Variants in RARS2 observed in about 807,000 individuals in gnomAD.
The protein encoded by RARS2 is probable arginine--tRNA ligase, mitochondrial.
In RARS2, 67 loss-of-function variants were observed where a neutral mutation model predicts 88.5. That is an observed-to-expected ratio of 0.76 (90% CI 0.62 to 0.93). The LOEUF is 0.93. RARS2 is among the 40% of genes least tolerant of loss of function. The pLI is 0.00. For missense variants in RARS2, 664 were observed against 684.2 expected, an observed-to-expected ratio of 0.97 and a Z score of 0.33; for synonymous variants, 239 against 230.3, an observed-to-expected ratio of 1.04 and a Z score of -0.34.
At chr6:87,585,688 C>T (rs1481074939) in intron 1 of RARS2, among the ~76,000 whole-genome samples, 1 of 151,992 alleles carries the variant, frequency 6.6e-6, no homozygotes, top group Non-Finnish European at 1.5e-5. Context: ...GCAGAGATCA[C>T]GCCATTGCAC....
chr6:87,531,562 G>C (rs1326522856), intron 8 of RARS2, among the ~76,000 whole-genome samples: 2 of 152,170 alleles, frequency 1.3e-5, no homozygotes, highest in Non-Finnish European at 2.9e-5. Context: ...TGGATAGTTA[G>C]TATAATTATA....
Position 87,516,877 on chromosome 6 carries a change from G to A in RARS2, c.1515C>T (p.Phe505=), listed in dbSNP as rs530229446. The A allele has an allele frequency of 8.7e-6, 14 of 1,613,528 alleles. 1 individual carries two copies. Among genetic ancestry groups the A allele is most frequent in the East Asian group, 6.7e-5 (3 of 44,858 alleles). ...SVSILQHLLR[F]DEVLYKSSQD... The stretch of plus-strand genomic sequence containing the variant: ...GAGATGATTTATAAAGCACCTCGTC[G>A]AACCTAAAAGATGACAGGAACAGTG... Residue 505 remains phenylalanine (F), a synonymous_variant, in exon 18 of 20, where the codon TTC becomes TTT. Transcript: ENST00000369536.
chr6:87,588,191 G>C (rs1002708392), intron 1 of RARS2, among the ~76,000 whole-genome samples: 1 of 152,088 alleles, frequency 6.6e-6, no homozygotes, highest in Non-Finnish European at 1.5e-5. Flanking sequence ...CTTACACACA[G>C]CTTAGATACT....
In RARS2 at chr6:87,541,995, C is replaced by T; in HGVS notation, c.536-1G>A. 1 of 1,610,626 alleles carries T rather than the reference C, an allele frequency of 6.2e-7. No individual in the cohort carries two copies. Among genetic ancestry groups the T allele is most frequent in the Non-Finnish European group, 8.5e-7 (1 of 1,177,186 alleles). On this transcript the variant is annotated splice_acceptor_variant, in intron 7 of 19. Coordinates refer to ENST00000369536, the MANE Select transcript of RARS2 (RefSeq NM_020320.5). LOFTEE classifies it high-confidence loss of function. The stretch of plus-strand genomic sequence containing the variant: ...AGCTGGAAGCCAGTTCCCAGAAGAC[C>T]TACCATGATAATCCGTAAATGAAAA...
chr6:87,535,676 G>T (rs55739917), intron 8 of RARS2, among the ~76,000 whole-genome samples: 4,454 of 111,282 alleles, frequency 0.04, 108 homozygotes, highest in Middle Eastern at 0.065. Context: ...TAACTGTTTT[G>T]TTTTTTTTTT....
In RARS2 at chr6:87,516,755, G is replaced by A. The variant is rs368522730; in HGVS notation, c.1586+51C>T. On this transcript the variant is annotated intron_variant, in intron 18 of 19. Coordinates refer to ENST00000369536, the MANE Select transcript of RARS2 (RefSeq NM_020320.5). Reference sequence around the variant, plus strand: ...GTTTACAGGAAACCTTTAGATGAAAGAAAGGTCTCAAATGCCATTAACACC... The same window carrying A: ...GTTTACAGGAAACCTTTAGATGAAAAAAAGGTCTCAAATGCCATTAACACC... 266 of 1,604,330 alleles carry A rather than the reference G, an allele frequency of 1.7e-4. 2 individuals are homozygous for A. In the East Asian group the frequency reaches 5.4e-3, roughly 33 times the overall value.
intron 6 of RARS2, among the ~76,000 whole-genome samples, chr6:87,547,240 G>A (rs1298647456): frequency 1.3e-5 from 2 of 152,072 alleles, no homozygotes; most frequent in African/African-American, 4.8e-5. Context: ...CTATACTTTT[G>A]ACTTACTCAT....
At chr6:87,526,426 A>T (rs978492239) in intron 10 of RARS2, among the ~76,000 whole-genome samples, 2 of 151,954 alleles carry the variant, frequency 1.3e-5, no homozygotes, top group Non-Finnish European at 2.9e-5. Flanking sequence ...CTAAGGCAGG[A>T]GAATAGGTTG....
At chr6:87,541,148 A>G (rs1780817894) in intron 8 of RARS2, among the ~76,000 whole-genome samples, 1 of 152,186 alleles carries the variant, frequency 6.6e-6, no homozygotes, top group African/African-American at 2.4e-5. Flanking sequence ...TTAGATTAGG[A>G]AATAAAAATA....
intron 4 of RARS2, among the ~76,000 whole-genome samples, chr6:87,561,803 C>T (rs2128166670): frequency 6.6e-6 from 1 of 152,258 alleles, no homozygotes; most frequent in South Asian, 2.1e-4. Flanking sequence ...GAAGAATTCC[C>T]ATGTGAGAAA....
At chr6:87,541,521 C>G (rs1002870867) in intron 8 of RARS2, among the ~76,000 whole-genome samples, 1 of 150,170 alleles carries the variant, frequency 6.7e-6, no homozygotes, top group African/African-American at 2.4e-5. Context: ...TTTTAAAGAA[C>G]ATATTTTTTA....
rs115698595 is a variant in RARS2 at position 87,583,157 on chromosome 6, T to A, written c.36+6765A>T. 5.2e-3 allele frequency among the ~76,000 whole-genome samples: 798 copies of A among 152,338 alleles called. 7 individuals are homozygous for A. The highest frequency in any genetic ancestry group is 0.018 in the African/African-American group (741 of 41,564). ...TCTCAAATGACACAGGAAAAAGTTA[T>A]ACAGAACGATGAAGGAAATGTGGCA... On this transcript the variant is annotated intron_variant, in intron 1 of 19. Coordinates refer to ENST00000369536, the MANE Select transcript of RARS2 (RefSeq NM_020320.5).
chr6:87,573,701 A>C (rs76013245), intron 1 of RARS2, among the ~76,000 whole-genome samples: 10,740 of 151,894 alleles, frequency 0.071, 410 homozygotes, highest in East Asian at 0.095. Context: ...AAAAACACAC[A>C]AAAAAAAACC....
At chr6:87,533,972 A>T (rs1778366365) in intron 8 of RARS2, among the ~76,000 whole-genome samples, 4 of 152,224 alleles carry the variant, frequency 2.6e-5, no homozygotes, top group Admixed American at 2.6e-4. Context: ...AGCAAAACTT[A>T]GAAACCACAG....
At chr6:87,553,244 T>C (rs1784875257) in intron 5 of RARS2, among the ~76,000 whole-genome samples, 3 of 150,470 alleles carry the variant, frequency 2.0e-5, no homozygotes, top group African/African-American at 2.5e-5. Context: ...GCTAGAGAAG[T>C]AAAGAGCCAT....
chr6:87,532,582 A>C (rs1180796361), intron 8 of RARS2, among the ~76,000 whole-genome samples: 1 of 152,224 alleles, frequency 6.6e-6, no homozygotes, highest in Non-Finnish European at 1.5e-5. Flanking sequence ...GTGTGACTCC[A>C]CTGGGAAAAT....
At chr6:87,516,499 CCT>C (rs1411964938) in intron 18 of RARS2, among the ~76,000 whole-genome samples, 1 of 152,148 alleles carries the variant, frequency 6.6e-6, no homozygotes, top group Non-Finnish European at 1.5e-5. Context: ...TCTGAGAAGC[CCT>C]CTCTGATCGC....
intron 1 of RARS2, among the ~76,000 whole-genome samples, chr6:87,571,954 T>C (rs779753923): frequency 1.3e-5 from 2 of 152,178 alleles, no homozygotes; most frequent in African/African-American, 4.8e-5. Context: ...TACTAAAAAG[T>C]CATTTCTTTA....
intron 17 of RARS2, 39 bp downstream of exon 17, chr6:87,518,130 A>T (rs765284146): frequency 6.8e-6 from 11 of 1,613,954 alleles, no homozygotes; most frequent in Non-Finnish European, 9.3e-6. Flanking sequence ...CATTTTGATA[A>T]GCAGAAGCAC....
Sources: allele counts gnomAD v4.1 joint callset (sites outside exome capture counted in the v4.1 genomes callset), GRCh38; gene constraint gnomAD v4.1.1; transcripts MANE v1.5; gene names NCBI Gene and HGNC (gene_info 2026-07-23, HGNC 2026-07-21).